Variants in NKTR observed in about 807,000 individuals in gnomAD.
The protein encoded by NKTR is natural killer cell triggering receptor, also known as NK-tumor recognition protein.
A neutral mutation model predicts 156.3 loss-of-function variants in NKTR; 67 were observed. The observed-to-expected ratio is 0.43, with a 90% CI of 0.35 to 0.53. The LOEUF is 0.53. NKTR is among the 20% of genes least tolerant of loss of function. The pLI, the probability that NKTR is intolerant of heterozygous loss-of-function variation, is 0.01. For synonymous variants in NKTR, 640 were observed against 596.6 expected, an observed-to-expected ratio of 1.07 and a Z score of -1.06; for missense variants, 1,604 against 1,730.9, an observed-to-expected ratio of 0.93 and a Z score of 1.30.
chr3:42,610,927 G>T (rs952895877), intron 2 of NKTR, among the ~76,000 whole-genome samples: 1 of 151,634 alleles, frequency 6.6e-6, no homozygotes, highest in Non-Finnish European at 1.5e-5. Context: ...TCTTTATTGG[G>T]CCTGTTTTTT....
rs1710456388 is a variant in NKTR, at chr3:42,647,927, G to A, written c.*1952G>A. The A allele has an allele frequency of 6.6e-6, 1 of 152,214 alleles. No individual in the cohort carries two copies. Among genetic ancestry groups the A allele is most frequent in the Admixed American group, 6.5e-5 (1 of 15,286 alleles). 9.4% of individuals were successfully genotyped at this position (152,214 alleles called of 1,614,324 possible). A position where few individuals can be genotyped will look rare whatever the true frequency, so the allele number is the denominator to read the frequency against. On this transcript the variant is annotated 3_prime_UTR_variant, in exon 17 of 17. Transcript: ENST00000232978. Reference sequence around the variant, plus strand: ...TGGATTCTCTGCTCAGGGTCTTAAAGGCTGAAATAAGGGTTGGCAGGACAA... The same window carrying A: ...TGGATTCTCTGCTCAGGGTCTTAAAAGCTGAAATAAGGGTTGGCAGGACAA...
chr3:42,611,444 A>G (rs1407153390), intron 2 of NKTR, among the ~76,000 whole-genome samples: 1 of 152,114 alleles, frequency 6.6e-6, no homozygotes, highest in Non-Finnish European at 1.5e-5. Context: ...CTGTTTAAGT[A>G]TGCTTAAACC....
chr3:42,643,313 A>T lies in NKTR; in HGVS notation c.4143-26A>T. ...CTGTCCTGCCCTGATCTATAAGATG[A>T]TGGTCCTTCATGTGATTAATATTAG... On this transcript the variant is annotated intron_variant, in intron 14 of 16. Transcript: ENST00000232978. The T allele has an allele frequency of 1.9e-6, 3 of 1,605,312 alleles. No individual in the cohort carries two copies. The South Asian group carries it at 3.3e-5, about 18-fold the overall frequency.
chr3:42,643,338 G>C lies in NKTR; in HGVS notation c.4143-1G>C, dbSNP rs1207058866. Reference sequence around the variant, plus strand: ...ATGGTCCTTCATGTGATTAATATTAGGACGTCCAGCAGGAGCAGATCCAGG... The same window carrying C: ...ATGGTCCTTCATGTGATTAATATTACGACGTCCAGCAGGAGCAGATCCAGG... On this transcript the variant is annotated splice_acceptor_variant, in intron 14 of 16. Coordinates refer to ENST00000232978, the MANE Select transcript of NKTR (RefSeq NM_005385.4). LOFTEE classifies it high-confidence loss of function. The C allele has an allele frequency of 2.5e-6, 4 of 1,613,680 alleles. No individual in the cohort carries two copies. The highest frequency in any genetic ancestry group is 3.4e-6 in the Non-Finnish European group (4 of 1,179,636).
Position 42,639,422 on chromosome 3 carries a change from G to T in NKTR, c.3718G>T (p.Ala1240Ser), listed in dbSNP as rs746311476. The change falls in exon 13 of 17, where the codon GCT becomes TCT. Residue 1240 changes from alanine to serine, a missense_variant. Ala to Ser is a moderately conservative substitution (Grantham distance 99, BLOSUM62 1). This residue lies in a region of NKTR where 1,255 missense variants were observed against 1,243.7 expected (regional missense o/e 1.01). Coordinates refer to ENST00000232978, the MANE Select transcript of NKTR (RefSeq NM_005385.4). ...QGVGNLAAPN[A>S]ATSSAVEVKV... ...TGTGGGGAACCTGGCAGCACCTAAT[G>T]CTGCCACATCCAGTGCTGTGGAAGT... is the stretch of plus-strand genomic sequence containing the variant. The T allele has an allele frequency of 1.2e-6, 2 of 1,614,130 alleles. No individual in the cohort carries two copies. Among genetic ancestry groups the T allele is most frequent in the South Asian group, 2.2e-5 (2 of 91,082 alleles).
chr3:42,626,901 G>C (rs1447524680), intron 6 of NKTR, among the ~76,000 whole-genome samples: 1 of 151,998 alleles, frequency 6.6e-6, no homozygotes, highest in Non-Finnish European at 1.5e-5. Context: ...TAATTTCTGG[G>C]ATTTGTGAAA....
chr3:42,627,565 G>T, intron 6 of NKTR: 1 of 984,978 alleles, frequency 1.0e-6, no homozygotes, highest in Non-Finnish European at 1.2e-6. Context: ...ACTATAGATT[G>T]TTTTTGGAGT....
chr3:42,642,830 C>A (rs1288059994), intron 14 of NKTR, among the ~76,000 whole-genome samples: 1 of 152,162 alleles, frequency 6.6e-6, no homozygotes, highest in African/African-American at 2.4e-5. Flanking sequence ...GAAGCCTTGA[C>A]CCCTACCTCC....
At chr3:42,607,780 A>G (rs1706364844) in intron 2 of NKTR, among the ~76,000 whole-genome samples, 2 of 152,020 alleles carry the variant, frequency 1.3e-5, no homozygotes. Flanking sequence ...GTAAATTTGA[A>G]TATGGATTAT....
At chr3:42,639,845 C>A in intron 13 of NKTR, 95 bp downstream of exon 13, 1 of 888,700 alleles carries the variant, frequency 1.1e-6, no homozygotes. Context: ...TCACTATTTC[C>A]AAATATCTGA....
intron 14 of NKTR, among the ~76,000 whole-genome samples, 176 bp downstream of exon 14, chr3:42,642,772 G>A (rs1710004544): frequency 6.6e-6 from 1 of 152,206 alleles, no homozygotes; most frequent in Non-Finnish European, 1.5e-5. Context: ...CTATTCCTCT[G>A]TTGGGATCTT....
intron 2 of NKTR, among the ~76,000 whole-genome samples, chr3:42,605,008 C>G (rs1706092803): frequency 6.6e-6 from 1 of 151,950 alleles, no homozygotes; most frequent in Admixed American, 6.6e-5. Context: ...CTTTTAAGTT[C>G]TCTTAGTTTT....
intron 5 of NKTR, 46 bp from the exon 6 acceptor site, chr3:42,621,383 G>A (rs1707888387): frequency 1.3e-6 from 2 of 1,581,574 alleles, no homozygotes; most frequent in African/African-American, 1.4e-5. Flanking sequence ...TTACTTTAAA[G>A]TGACTTATAA....
At chr3:42,605,623 T>G (rs581808) in intron 2 of NKTR, among the ~76,000 whole-genome samples, 8 of 152,212 alleles carry the variant, frequency 5.3e-5, no homozygotes, top group Non-Finnish European at 5.9e-5. Flanking sequence ...AACTAAACTT[T>G]AGACTCACAT....
At chr3:42,626,239 A>G (rs1436262007) in intron 6 of NKTR, among the ~76,000 whole-genome samples, 1 of 148,426 alleles carries the variant, frequency 6.7e-6, no homozygotes, top group African/African-American at 2.6e-5. Context: ...TGACTTATTC[A>G]TGTTGTCAAT....
intron 2 of NKTR, among the ~76,000 whole-genome samples, chr3:42,612,698 T>G (rs1706958575): frequency 6.6e-6 from 1 of 152,200 alleles, no homozygotes; most frequent in Non-Finnish European, 1.5e-5. Flanking sequence ...GGTATAGAAT[T>G]CTTGTTTCAC....
chr3:42,628,961 C>T, intron 6 of NKTR: 1 of 385,812 alleles, frequency 2.6e-6, no homozygotes, highest in Non-Finnish European at 3.6e-6. Flanking sequence ...GAGATCATGC[C>T]ATCGCACTCT....
At chr3:42,606,013 G>T (rs942472861) in intron 2 of NKTR, among the ~76,000 whole-genome samples, 2 of 152,136 alleles carry the variant, frequency 1.3e-5, no homozygotes, top group African/African-American at 2.4e-5. Flanking sequence ...GAAGAGTGGC[G>T]TGGGAGAGAA....
chr3:42,611,684 G>T (rs925246039), intron 2 of NKTR, among the ~76,000 whole-genome samples: 1 of 148,630 alleles, frequency 6.7e-6, no homozygotes, highest in Admixed American at 6.7e-5. Flanking sequence ...AGTGAGCCAA[G>T]ATCGTGCCAC....
Sources: gnomAD v4.1 joint callset for allele counts (sites outside exome capture counted in the v4.1 genomes callset) on GRCh38, gnomAD v4.1.1 for gene constraint, gnomAD v4.1.1 regional missense constraint, MANE v1.5 for transcripts, NCBI Gene and HGNC (gene_info 2026-07-23, HGNC 2026-07-21) for gene names.